SUCLG2: variants seen among roughly 807,000 people sequenced by gnomAD.
SUCLG2 encodes succinate-CoA ligase GDP-forming subunit beta, also known as succinate--CoA ligase [GDP-forming] subunit beta, mitochondrial.
Under a neutral mutation model 47.9 loss-of-function variants are expected in SUCLG2, and 42 were observed. The ratio of observed to expected loss-of-function variants is 0.88; its 90% confidence interval spans 0.69 to 1.14. The LOEUF (loss-of-function observed/expected upper bound fraction) is 1.14. Ranked by LOEUF, SUCLG2 falls within the 50% of genes most tolerant of loss-of-function variation. The pLI, the probability that SUCLG2 is intolerant of heterozygous loss-of-function variation, is 0.00. For synonymous variants in SUCLG2, 195 were observed against 197.3 expected (o/e 0.99, Z 0.10); for missense variants, 571 against 525.9 (o/e 1.09, Z -0.84).
intron 2 of SUCLG2, among the ~76,000 whole-genome samples, chr3:67,575,881 A>G (rs916676276): frequency 4.6e-5 from 7 of 152,178 alleles, no homozygotes; most frequent in Non-Finnish European, 1.0e-4. Flanking sequence ...ACATGAATCT[A>G]GTGGAATTCT....
chr3:67,441,518 G>A (rs77268354), intron 9 of SUCLG2, among the ~76,000 whole-genome samples: 7,253 of 152,226 alleles, frequency 0.048, 224 homozygotes, highest in South Asian at 0.093. Flanking sequence ...TTCTGAGACT[G>A]CATCCCTAAC....
chr3:67,652,569 C>T (rs1400536263), intron 1 of SUCLG2, among the ~76,000 whole-genome samples: 3 of 152,240 alleles, frequency 2.0e-5, no homozygotes, highest in Admixed American at 2.0e-4. Context: ...ATGGACAATT[C>T]TAAGATGGTC....
At chr3:67,554,211 T>C (rs1707096599) in intron 2 of SUCLG2, among the ~76,000 whole-genome samples, 1 of 152,324 alleles carries the variant, frequency 6.6e-6, no homozygotes, top group East Asian at 1.9e-4. Flanking sequence ...TCCCTCAGGA[T>C]GTGCTACTAC....
At chr3:67,381,230 A>T (rs1702152475) in intron 10 of SUCLG2, among the ~76,000 whole-genome samples, 1 of 152,100 alleles carries the variant, frequency 6.6e-6, no homozygotes, top group Admixed American at 6.5e-5. Context: ...AAATAAAAGT[A>T]AAACAGCAGA....
intron 9 of SUCLG2, among the ~76,000 whole-genome samples, chr3:67,483,865 C>T (rs998066684): frequency 2.0e-5 from 3 of 152,178 alleles, no homozygotes; most frequent in South Asian, 4.1e-4. Flanking sequence ...TCATGGTTGA[C>T]ACCCTGACTT....
chr3:67,572,987 TA>T (rs1707655551), intron 2 of SUCLG2, among the ~76,000 whole-genome samples: 1 of 152,012 alleles, frequency 6.6e-6, no homozygotes, highest in Admixed American at 6.6e-5. Flanking sequence ...GGATACAAAA[TA>T]AAAGATACAA....
intron 9 of SUCLG2, among the ~76,000 whole-genome samples, chr3:67,438,729 A>G (rs1004749319): frequency 1.4e-4 from 21 of 152,236 alleles, no homozygotes; most frequent in Non-Finnish European, 2.5e-4. Context: ...AAGCTCTGAA[A>G]TTGAGGCAGT....
At chr3:67,382,225 CA>C (rs1358463862) in intron 10 of SUCLG2, among the ~76,000 whole-genome samples, 43 of 152,302 alleles carry the variant, frequency 2.8e-4, no homozygotes, top group Admixed American at 2.8e-3. Flanking sequence ...AGCAACCCTG[CA>C]GTCAACATCA....
chr3:67,637,410 C>T (rs778396831), intron 1 of SUCLG2, among the ~76,000 whole-genome samples: 10 of 152,074 alleles, frequency 6.6e-5, no homozygotes, highest in Non-Finnish European at 8.8e-5. Flanking sequence ...CAGTCCTCAA[C>T]GGTGGATTTT....
At chr3:67,496,578 T>C (rs1242526755) in intron 8 of SUCLG2, among the ~76,000 whole-genome samples, 1 of 152,150 alleles carries the variant, frequency 6.6e-6, no homozygotes, top group Non-Finnish European at 1.5e-5. Context: ...AATATTCTTA[T>C]CCCCTTGTTC....
chr3:67,360,944 C>G (rs1311138455), intron 10 of SUCLG2, among the ~76,000 whole-genome samples: 1 of 152,132 alleles, frequency 6.6e-6, no homozygotes, highest in Non-Finnish European at 1.5e-5. Context: ...TTTTCCCTGT[C>G]TCTCTCTCGT....
Position 67,515,970 on chromosome 3 carries a change from C to T in SUCLG2, c.660+2277G>A, listed in dbSNP as rs542779974. Among the ~76,000 whole-genome samples the T allele has an allele frequency of 9.2e-5, 14 of 152,248 alleles. No individual in the cohort carries two copies. In the South Asian group the frequency reaches 2.9e-3, roughly 32 times the overall value. ...CCTCTGCCCGCTGCCCCCTCCCCCACTCTCTCCTTCACATTCCTTTATCCG... is the reference window on the plus strand; with the variant it reads ...CCTCTGCCCGCTGCCCCCTCCCCCATTCTCTCCTTCACATTCCTTTATCCG... On this transcript the variant is annotated intron_variant, in intron 6 of 10. Coordinates refer to ENST00000307227, the MANE Select transcript of SUCLG2 (RefSeq NM_003848.4).
chr3:67,594,551 T>C lies in SUCLG2; in HGVS notation c.226+14904A>G, dbSNP rs191839074. On this transcript the variant is annotated intron_variant, in intron 2 of 10. Transcript: ENST00000307227. ...TCAGAGAAGCCTTCCTTGACTATCC[T>C]ATAACATGAAATCTGTGTATTTCTG... Among the ~76,000 whole-genome samples, 45 of 152,340 alleles carry C rather than the reference T, an allele frequency of 3.0e-4. No individual in the cohort carries two copies. The East Asian group carries it at 8.5e-3, about 29-fold the overall frequency.
intron 9 of SUCLG2, among the ~76,000 whole-genome samples, chr3:67,440,269 A>G (rs547164893): frequency 6.6e-6 from 1 of 152,356 alleles, no homozygotes; most frequent in South Asian, 2.1e-4. Context: ...ACCTAAAACC[A>G]TAAAAACCTT....
intron 9 of SUCLG2, among the ~76,000 whole-genome samples, chr3:67,406,095 C>A (rs1044666109): frequency 2.0e-5 from 3 of 152,112 alleles, no homozygotes. Flanking sequence ...ATATTACCTA[C>A]CCCCCTTTCG....
intron 9 of SUCLG2, among the ~76,000 whole-genome samples, chr3:67,425,815 T>C (rs1269459476): frequency 6.6e-6 from 1 of 152,210 alleles, no homozygotes; most frequent in African/African-American, 2.4e-5. Flanking sequence ...CTAAAACAGG[T>C]GTAGTAAATT....
chr3:67,560,815 C>A (rs1487732101), intron 2 of SUCLG2, among the ~76,000 whole-genome samples: 3 of 151,754 alleles, frequency 2.0e-5, no homozygotes, highest in East Asian at 3.9e-4. Flanking sequence ...AAACTCTCCC[C>A]CTCCTTCAGG....
chr3:67,599,609 C>A (rs6794091), intron 2 of SUCLG2, among the ~76,000 whole-genome samples: 21 of 151,664 alleles, frequency 1.4e-4, no homozygotes, highest in Non-Finnish European at 1.5e-4. Context: ...GATTTTTGCA[C>A]ATCAAATACC....
At chr3:67,632,926 T>G (rs182712398) in intron 1 of SUCLG2, among the ~76,000 whole-genome samples, 113 of 152,320 alleles carry the variant, frequency 7.4e-4, no homozygotes, top group Non-Finnish European at 1.3e-3. Flanking sequence ...ATTATAACTA[T>G]CACATCACCA....
Sources: gnomAD v4.1 joint callset for allele counts (sites outside exome capture counted in the v4.1 genomes callset) on GRCh38, gnomAD v4.1.1 for gene constraint, MANE v1.5 for transcripts, NCBI Gene and HGNC (gene_info 2026-07-23, HGNC 2026-07-21) for gene names.